Variants in RPN2 observed in about 807,000 individuals in gnomAD.
RPN2 encodes dolichyl-diphosphooligosaccharide--protein glycosyltransferase subunit 2.
In RPN2, 29 loss-of-function variants were observed where a neutral mutation model predicts 71.4. That is an observed-to-expected ratio of 0.41 (90% CI 0.30 to 0.55). The LOEUF is 0.55. Among genes scored for constraint, RPN2 ranks in the 20% least tolerant of loss-of-function variants. The pLI is 0.35. For synonymous variants in RPN2, 308 were observed against 305.0 expected (o/e 1.01, Z -0.10); for missense variants, 726 against 774.1 (o/e 0.94, Z 0.74).
chr20:37,228,594 G>C lies in RPN2; in HGVS notation c.1344G>C (p.Val448=). The change falls in exon 12 of 17, where the codon GTG becomes GTC. Residue 448 remains valine (V), a synonymous_variant. Coordinates refer to ENST00000237530, the MANE Select transcript of RPN2 (RefSeq NM_002951.5). ...LHNQKTGQEV[V]FVAEPDNKNV... The stretch of plus-strand genomic sequence containing the variant: ...ACCAGAAGACTGGCCAGGAAGTGGT[G>C]TTTGTTGCCGAGCCAGACAACAAGA... The C allele has an allele frequency of 6.2e-7, 1 of 1,614,240 alleles. No homozygotes were observed. Among genetic ancestry groups the C allele is most frequent in the Non-Finnish European group, 8.5e-7 (1 of 1,180,038 alleles).
chr20:37,179,885 G>T (rs950843796), intron 1 of RPN2, among the ~76,000 whole-genome samples: 2 of 152,220 alleles, frequency 1.3e-5, no homozygotes, highest in African/African-American at 4.8e-5. Context: ...CGTATTCATT[G>T]TGTAACCCAA....
chr20:37,207,619 G>T (rs2067548659), intron 7 of RPN2, among the ~76,000 whole-genome samples, 170 bp downstream of exon 7: 1 of 152,180 alleles, frequency 6.6e-6, no homozygotes, highest in African/African-American at 2.4e-5. Flanking sequence ...TGACCACTCG[G>T]TGAACTAGCC....
At chr20:37,191,399 C>T (rs2067136947) in intron 2 of RPN2, among the ~76,000 whole-genome samples, 1 of 151,344 alleles carries the variant, frequency 6.6e-6, no homozygotes, top group Non-Finnish European at 1.5e-5. Flanking sequence ...TTGCTTGAAC[C>T]CAGAGGCAGA....
At position 37,223,898 on chromosome 20, in the gene RPN2, T is replaced by A; in HGVS notation, c.1113T>A (p.Thr371=). 1 of 1,614,142 alleles carries A rather than the reference T, an allele frequency of 6.2e-7. No individual in the cohort carries two copies. Among genetic ancestry groups the A allele is most frequent in the Non-Finnish European group, 8.5e-7 (1 of 1,179,974 alleles). ...TCTAGCTCAGAGTCAAGATCTCCAC[T>A]GAAGTTGGCATCACAAATGTTGATC... ...NTVELRVKIS[T]EVGITNVDLS... The change falls in exon 10 of 17, where the codon ACT becomes ACA. Residue 371 remains threonine (T), a synonymous_variant. Transcript: ENST00000237530.
intron 13 of RPN2, among the ~76,000 whole-genome samples, chr20:37,231,056 CT>C (rs1195021877): frequency 1.3e-5 from 2 of 151,908 alleles, no homozygotes; most frequent in African/African-American, 2.4e-5. Context: ...GAGGAAAAAT[CT>C]TTTTTAAAAA....
intron 4 of RPN2, 97 bp from the exon 5 acceptor site, chr20:37,203,787 CA>C (rs2067448935): frequency 1.2e-6 from 1 of 854,778 alleles, no homozygotes. Flanking sequence ...TTCTAAAGAA[CA>C]AGAGTAGGAT....
chr20:37,189,329 G>A (rs552071752), intron 2 of RPN2, among the ~76,000 whole-genome samples: 3 of 115,942 alleles, frequency 2.6e-5, no homozygotes, highest in South Asian at 2.5e-4. Context: ...GTGTATGTGT[G>A]TGTGTGTGTG....
intron 16 of RPN2, 34 bp downstream of exon 16, chr20:37,236,743 G>A: frequency 6.2e-7 from 1 of 1,609,610 alleles, no homozygotes; most frequent in Non-Finnish European, 8.5e-7. Flanking sequence ...ATCTAGAGTA[G>A]GGTTAGAAAT....
intron 15 of RPN2, among the ~76,000 whole-genome samples, chr20:37,236,293 G>A (rs1159387059): frequency 6.6e-6 from 1 of 151,808 alleles, no homozygotes; most frequent in Non-Finnish European, 1.5e-5. Context: ...AGGTCTCACT[G>A]TGTTGCCCAG....
chr20:37,204,833 A>G lies in RPN2; in HGVS notation c.622A>G (p.Thr208Ala). The change falls in exon 6 of 17, where the codon ACA becomes GCA. Residue 208 changes from threonine to alanine, a missense_variant. By Grantham distance (58) the Thr-to-Ala change is moderately conservative (BLOSUM62 0). Coordinates refer to ENST00000237530, the MANE Select transcript of RPN2 (RefSeq NM_002951.5). ...CCAGTTTGAAGAAGGACTGGAAACAACAGCGTTATTTGTGGCTGCCACCTA... is the reference window on the plus strand; with the variant it reads ...CCAGTTTGAAGAAGGACTGGAAACAGCAGCGTTATTTGTGGCTGCCACCTA... Reference protein sequence around the residue: ...YLQFEEGLETTALFVAATYKL... With the variant: ...YLQFEEGLETAALFVAATYKL... The G allele has an allele frequency of 6.2e-7, 1 of 1,614,190 alleles. No individual in the cohort carries two copies. The highest frequency in any genetic ancestry group is 1.1e-5 in the South Asian group (1 of 91,090).
At chr20:37,197,372 T>C (rs1255939991) in intron 2 of RPN2, among the ~76,000 whole-genome samples, 1 of 152,152 alleles carries the variant, frequency 6.6e-6, no homozygotes, top group Non-Finnish European at 1.5e-5. Context: ...GATGACTGAC[T>C]GGGACAATGT....
rs6017562 is a variant in RPN2, at chr20:37,228,266, G to A, written c.1300-284G>A. 4.9e-3 allele frequency among the ~76,000 whole-genome samples: 747 copies of A among 152,306 alleles called. 8 individuals carry two copies. Among genetic ancestry groups the A allele is most frequent in the African/African-American group, 0.017 (709 of 41,552 alleles). ...AAAAAGAAATTGCAGCAATAGCAAA[G>A]GGCTTAAATCATCTGCAAACTGGGC... On this transcript the variant is annotated intron_variant, in intron 11 of 16. Transcript: ENST00000237530.
intron 7 of RPN2, among the ~76,000 whole-genome samples, chr20:37,207,929 A>G (rs1399595828): frequency 6.6e-6 from 1 of 152,068 alleles, no homozygotes; most frequent in Non-Finnish European, 1.5e-5. Flanking sequence ...AAGTGCTGAG[A>G]TTACAGGTAT....
At chr20:37,203,683 GC>G (rs1428590356) in intron 4 of RPN2, among the ~76,000 whole-genome samples, 9 of 152,192 alleles carry the variant, frequency 5.9e-5, no homozygotes, top group Non-Finnish European at 1.3e-4. Context: ...TGCCTGGGTT[GC>G]CTTCTCAGCT....
intron 1 of RPN2, among the ~76,000 whole-genome samples, chr20:37,182,966 A>G (rs1199217196): frequency 6.6e-6 from 1 of 152,174 alleles, no homozygotes; most frequent in Non-Finnish European, 1.5e-5. Flanking sequence ...TTCAGCAAAT[A>G]TTTATTCAGT....
At chr20:37,206,990 C>T (rs2067525034) in intron 6 of RPN2, among the ~76,000 whole-genome samples, 2 of 152,012 alleles carry the variant, frequency 1.3e-5, no homozygotes, top group Non-Finnish European at 2.9e-5. Flanking sequence ...GGATTACAGG[C>T]GTGAGCCACT....
chr20:37,190,331 G>A (rs925452407), intron 2 of RPN2, among the ~76,000 whole-genome samples: 2 of 152,160 alleles, frequency 1.3e-5, no homozygotes, highest in Non-Finnish European at 2.9e-5. Context: ...AGTGTGACTT[G>A]GGATAATTAC....
intron 2 of RPN2, among the ~76,000 whole-genome samples, chr20:37,188,414 A>G (rs112380941): frequency 0.028 from 4,190 of 152,136 alleles, 70 homozygotes; most frequent in Middle Eastern, 0.034. Context: ...TGGCCTCCCA[A>G]AGTGCTGGGA....
At chr20:37,225,337 A>T (rs1349704611) in intron 10 of RPN2, among the ~76,000 whole-genome samples, 1 of 152,208 alleles carries the variant, frequency 6.6e-6, no homozygotes, top group African/African-American at 2.4e-5. Flanking sequence ...CGGTTCTGCC[A>T]GCCCGGCTCT....
Sources: allele counts gnomAD v4.1 joint callset (sites outside exome capture counted in the v4.1 genomes callset), GRCh38; gene constraint gnomAD v4.1.1; transcripts MANE v1.5; gene names NCBI Gene and HGNC (gene_info 2026-07-23, HGNC 2026-07-21).